CELF2: variants seen among roughly 807,000 people sequenced by gnomAD.
The protein encoded by CELF2 is CUGBP Elav-like family member 2.
A neutral mutation model predicts 62.6 loss-of-function variants in CELF2; 8 were observed. The ratio of observed to expected loss-of-function variants is 0.13; its 90% confidence interval spans 0.07 to 0.23. The LOEUF is 0.23. Ranked by LOEUF, CELF2 falls within the 10% of genes least tolerant of loss-of-function variation. CELF2 has a pLI of 1.00. For missense variants in CELF2, 333 were observed against 671.0 expected (o/e 0.50, Z 5.56); for synonymous variants, 258 against 250.0 (o/e 1.03, Z -0.30).
chr10:10,814,213 C>CGAAAAAA (rs2056217172), intron 1 of CELF2, among the ~76,000 whole-genome samples: 1 of 20,996 alleles, frequency 4.8e-5, no homozygotes, highest in Non-Finnish European at 8.0e-5. Context: ...AAGAAGAGTC[C>CGAAAAAA]TAAAAAAAAA....
chr10:10,862,240 T>A (rs1433682388), intron 1 of CELF2, among the ~76,000 whole-genome samples: 3 of 152,184 alleles, frequency 2.0e-5, no homozygotes. Context: ...TTTATTTTGC[T>A]TACACTTTTG....
chr10:10,643,349 G>A, the CELF2 span, among the ~76,000 whole-genome samples: 1 of 152,074 alleles, frequency 6.6e-6, no homozygotes, highest in African/African-American at 2.4e-5. Flanking sequence ...TTGGTGGTGA[G>A]TAAGTCTCAC....
In CELF2 at chr10:11,240,547, T is replaced by A. The variant is rs549776594; in HGVS notation, c.355-8606T>A. On this transcript the variant is annotated intron_variant, in intron 3 of 12. Transcript: ENST00000633077. ...CTGGATCCAAGCATAGATTTAGCTCTGTCCTTGTTAGTCGAATGGCAAATT... is the reference window on the plus strand; with the variant it reads ...CTGGATCCAAGCATAGATTTAGCTCAGTCCTTGTTAGTCGAATGGCAAATT... Among the ~76,000 whole-genome samples, 11 of 152,380 alleles carry A rather than the reference T, an allele frequency of 7.2e-5. No individual in the cohort carries two copies. In the South Asian group the frequency reaches 2.3e-3, roughly 32 times the overall value.
intron 2 of CELF2, among the ~76,000 whole-genome samples, chr10:10,982,295 C>T (rs2052229741): frequency 6.6e-6 from 1 of 152,062 alleles, no homozygotes; most frequent in Non-Finnish European, 1.5e-5. Flanking sequence ...CAATCAAAAT[C>T]CTCTGGCACC....
the CELF2 span, among the ~76,000 whole-genome samples, chr10:10,696,688 T>C: frequency 6.7e-6 from 1 of 150,204 alleles, no homozygotes; most frequent in African/African-American, 2.5e-5. Context: ...GAGCCAGGTG[T>C]GGGATATAGT....
At chr10:11,022,652 CCTTA>C (rs1440018583) in intron 1 of CELF2, among the ~76,000 whole-genome samples, 5 of 152,060 alleles carry the variant, frequency 3.3e-5, no homozygotes, top group African/African-American at 4.8e-5. Context: ...TTTACCCCTT[CCTTA>C]CTTTTATTAA....
At chr10:10,772,993 T>C in the CELF2 span, among the ~76,000 whole-genome samples, 4 of 152,226 alleles carry the variant, frequency 2.6e-5, no homozygotes, top group Non-Finnish European at 5.9e-5. Flanking sequence ...TTAAAATGTA[T>C]ACCTTTAAAG....
intron 1 of CELF2, chr10:11,097,508 C>CT (rs1246843547): frequency 2.0e-5 from 3 of 152,196 alleles, no homozygotes; most frequent in Non-Finnish European, 2.9e-5. Flanking sequence ...GATGCTATCT[C>CT]TGCCTCGAGC....
At chr10:10,921,155 A>C (rs2064866235) in intron 2 of CELF2, among the ~76,000 whole-genome samples, 1 of 151,972 alleles carries the variant, frequency 6.6e-6, no homozygotes, top group South Asian at 2.1e-4. Flanking sequence ...GAGTTTTGCC[A>C]TGTTGGCCAG....
At chr10:10,581,894 G>T in the CELF2 span, among the ~76,000 whole-genome samples, 1 of 152,094 alleles carries the variant, frequency 6.6e-6, no homozygotes, top group Non-Finnish European at 1.5e-5. Flanking sequence ...TGGGCATGGT[G>T]GTGGGTGCCT....
chr10:11,091,332 C>G (rs1354502119), intron 1 of CELF2, among the ~76,000 whole-genome samples: 1 of 152,134 alleles, frequency 6.6e-6, no homozygotes, highest in Non-Finnish European at 1.5e-5. Context: ...CCCTGGGGAA[C>G]CGTTCAGCAA....
At chr10:10,794,580 C>T (rs2054032403), upstream of CELF2, 1 of 142,902 alleles carries the variant, frequency 7.0e-6, no homozygotes, top group South Asian at 2.4e-4. Context: ...TCTTTCGTAA[C>T]AAACCAGTTT....
At chr10:11,276,941 T>C (rs2086359750) in intron 8 of CELF2, among the ~76,000 whole-genome samples, 3 of 152,252 alleles carry the variant, frequency 2.0e-5, no homozygotes. Context: ...AATCTGTATG[T>C]GCTCTGAGCC....
chr10:10,596,700 G>T, the CELF2 span, among the ~76,000 whole-genome samples: 1 of 152,198 alleles, frequency 6.6e-6, no homozygotes, highest in Non-Finnish European at 1.5e-5. Flanking sequence ...TTGTCCTCTT[G>T]TCCTTCACCC....
the CELF2 span, among the ~76,000 whole-genome samples, chr10:10,485,970 G>A: frequency 1.1e-4 from 17 of 152,180 alleles, no homozygotes; most frequent in Non-Finnish European, 2.2e-4. Flanking sequence ...TCTATACTCA[G>A]CAGTCATGTC....
the CELF2 span, among the ~76,000 whole-genome samples, chr10:10,635,517 A>G: frequency 6.6e-6 from 1 of 152,210 alleles, no homozygotes. Flanking sequence ...GATTAATTCT[A>G]TGCCTCTTGG....
At chr10:10,937,816 A>T (rs1370083016) in intron 2 of CELF2, among the ~76,000 whole-genome samples, 1 of 152,184 alleles carries the variant, frequency 6.6e-6, no homozygotes, top group South Asian at 2.1e-4. Flanking sequence ...GTAAGTCTAG[A>T]TAGCATGATA....
At chr10:10,709,743 C>CAGT in the CELF2 span, among the ~76,000 whole-genome samples, 7 of 152,204 alleles carry the variant, frequency 4.6e-5, no homozygotes, top group Non-Finnish European at 1.0e-4. Context: ...CAACTTGTCT[C>CAGT]AGTTACATCC....
At chr10:11,218,951 T>C (rs2064049013) in intron 3 of CELF2, among the ~76,000 whole-genome samples, 1 of 152,198 alleles carries the variant, frequency 6.6e-6, no homozygotes, top group Non-Finnish European at 1.5e-5. Flanking sequence ...GAAAATCATT[T>C]TTATTTCCCA....
Sources: allele counts gnomAD v4.1 joint callset (sites outside exome capture counted in the v4.1 genomes callset), GRCh38; gene constraint gnomAD v4.1.1; transcripts MANE v1.5; gene names NCBI Gene and HGNC (gene_info 2026-07-23, HGNC 2026-07-21).